HPS4: variants seen among roughly 807,000 people sequenced by gnomAD.
HPS4 encodes the protein HPS4 biogenesis of lysosomal organelles complex 3 subunit 2.
A neutral mutation model predicts 70.3 loss-of-function variants in HPS4; 44 were observed. The observed-to-expected ratio is 0.63, with a 90% CI of 0.49 to 0.80. HPS4 has a LOEUF of 0.80. Ranked by LOEUF, HPS4 falls within the 30% of genes least tolerant of loss-of-function variation. The probability of loss-of-function intolerance (pLI) is 0.00; values close to 1 mark genes in which losing one functional copy is unlikely to be tolerated. For synonymous variants in HPS4, 377 were observed against 355.9 expected (o/e 1.06, Z -0.67); for missense variants, 873 against 884.4 (o/e 0.99, Z 0.16).
chr22:26,482,841 A>G (rs1311491561), intron 1 of HPS4: 2 of 152,236 alleles, frequency 1.3e-5, no homozygotes, highest in Non-Finnish European at 2.9e-5. Context: ...CAGATTTTAC[A>G]TCTGCCTCCC....
rs1317390466 is a variant in HPS4, at chr22:26,464,411, T to C, written c.1219A>G (p.Ser407Gly). 1 of 1,614,138 alleles carries C rather than the reference T, an allele frequency of 6.2e-7. No individual in the cohort carries two copies. The highest frequency in any genetic ancestry group is 1.7e-5 in the Admixed American group (1 of 60,020). ...GTGGGTTCCAGGCTGCTGGAGGCGCTGAGAGATGCCTTGCAGTAAGGAGCC... is the reference window on the plus strand; with the variant it reads ...GTGGGTTCCAGGCTGCTGGAGGCGCCGAGAGATGCCTTGCAGTAAGGAGCC... The part of the protein sequence containing the change: ...GRAPYCKASL[S>G]ASSSLEPTPP... The change falls in exon 11 of 14, where the codon AGC becomes GGC. Residue 407 changes from serine to glycine, a missense_variant. Ser to Gly is a moderately conservative substitution (Grantham distance 56, BLOSUM62 0). Transcript: ENST00000398145.
At chr22:26,454,201 C>T (rs896877368) in intron 13 of HPS4, among the ~76,000 whole-genome samples, 2 of 152,220 alleles carry the variant, frequency 1.3e-5, no homozygotes, top group Admixed American at 6.5e-5. Context: ...AAAATCCCAC[C>T]CTATTCCAAG....
intron 5 of HPS4, 100 bp downstream of exon 5, chr22:26,472,732 T>C: frequency 6.4e-6 from 6 of 935,256 alleles, no homozygotes; most frequent in Non-Finnish European, 8.9e-6. Flanking sequence ...ACAATGTGTT[T>C]ATATGAAGTA....
chr22:26,463,931 C>T lies in HPS4; in HGVS notation c.1699G>A (p.Ala567Thr). The T allele has an allele frequency of 1.2e-6, 2 of 1,613,578 alleles. No homozygotes were observed. Among genetic ancestry groups the T allele is most frequent in the Non-Finnish European group, 1.7e-6 (2 of 1,180,016 alleles). Residue 567 changes from alanine (A) to threonine (T), a missense_variant, in exon 11 of 14, where the codon GCC (alanine) becomes ACC (threonine). Transcript: ENST00000398145. ...AGGACACTCACCACTTCCTCTATGG[C>T]TGCGCTGTCTCCCAGCAGCGGCTCC... ...AEEPLLGDSA[A>T]IEEVYHSSLA...
chr22:26,478,514 T>A (rs2090875427), intron 3 of HPS4, among the ~76,000 whole-genome samples: 2 of 138,102 alleles, frequency 1.4e-5, no homozygotes, highest in Admixed American at 8.2e-5. Flanking sequence ...GAGCATGCAG[T>A]GAGCAGAGAT....
chr22:26,461,145 T>A (rs2087175312), intron 11 of HPS4, among the ~76,000 whole-genome samples: 1 of 152,238 alleles, frequency 6.6e-6, no homozygotes, highest in Non-Finnish European at 1.5e-5. Context: ...TGTCAGTGTG[T>A]GACACAGCGT....
intron 4 of HPS4, chr22:26,476,737 C>A: frequency 2.1e-6 from 1 of 467,484 alleles, no homozygotes; most frequent in Non-Finnish European, 3.9e-6. Context: ...ACAGAATTTC[C>A]ACAAGTTGGC....
downstream of HPS4, chr22:26,443,383 G>C (rs2084871886): frequency 1.1e-5 from 6 of 569,868 alleles, no homozygotes; most frequent in South Asian, 1.3e-4. Context: ...ATTGTAAATG[G>C]AAACTTTTCG....
rs2089977889 is a variant in HPS4 at position 26,472,535 on chromosome 22, A to G, written c.385-117T>C. ...CACAGGAAACTGACCGGAAGGGAGG[A>G]CCTGTTTTAAACCTATCCCATCACA... On this transcript the variant is annotated intron_variant, in intron 5 of 13. Transcript: ENST00000398145. The G allele has an allele frequency of 6.1e-6, 5 of 813,830 alleles. No homozygotes were observed. The South Asian group carries it at 6.8e-5, about 11-fold the overall frequency. 50.4% of individuals were successfully genotyped at this position (813,830 alleles called of 1,614,324 possible).
At chr22:26,480,564 G>A (rs866772410) in intron 2 of HPS4, among the ~76,000 whole-genome samples, 1 of 152,094 alleles carries the variant, frequency 6.6e-6, no homozygotes, top group Non-Finnish European at 1.5e-5. Context: ...TCTCTTCCCT[G>A]GATCTATGCC....
intron 13 of HPS4, among the ~76,000 whole-genome samples, chr22:26,455,548 C>T (rs1222852375): frequency 7.9e-6 from 1 of 125,916 alleles, no homozygotes; most frequent in Non-Finnish European, 1.6e-5. Flanking sequence ...TACATGGACA[C>T]AGGAAGGGGA....
Position 26,478,006 on chromosome 22 carries a change from G to A in HPS4, c.133-870C>T, listed in dbSNP as rs572231949. Among the ~76,000 whole-genome samples, 3 of 152,214 alleles carry A rather than the reference G, an allele frequency of 2.0e-5. No individual in the cohort carries two copies. The East Asian group carries it at 5.8e-4, about 29-fold the overall frequency. On this transcript the variant is annotated intron_variant, in intron 3 of 13. Coordinates refer to ENST00000398145, the MANE Select transcript of HPS4 (RefSeq NM_022081.6). ...TTAGGAAAAAGAAAAAGAAATGGAA[G>A]GATGGAAGTATGGGTGCATGGAAGG...
intron 12 of HPS4, 118 bp downstream of exon 12, chr22:26,458,327 G>C (rs1021484684): frequency 7.7e-7 from 1 of 1,291,666 alleles, no homozygotes; most frequent in Admixed American, 1.7e-5. Flanking sequence ...AGCCCTGAAC[G>C]CAGGTCAGAC....
At chr22:26,443,261 CTGTGG>C, downstream of HPS4, 2 of 1,469,422 alleles carry the variant, frequency 1.4e-6, no homozygotes, top group South Asian at 2.3e-5. Flanking sequence ...CCTGGGCAGA[CTGTGG>C]TCCGGTCCAG....
intron 3 of HPS4, chr22:26,444,786 A>G (rs978730902): frequency 6.6e-6 from 1 of 152,182 alleles, no homozygotes; most frequent in African/African-American, 2.4e-5. Flanking sequence ...GTCTACACAG[A>G]TATTTGTCAG....
At chr22:26,466,336 T>C in intron 8 of HPS4, 74 bp from the exon 9 acceptor site, 1 of 1,537,276 alleles carries the variant, frequency 6.5e-7, no homozygotes, top group Non-Finnish European at 9.0e-7. Context: ...AGGAATTTGC[T>C]GTGCCATCTG....
Position 26,463,835 on chromosome 22 carries a change from G to A in HPS4, c.1713+82C>T, listed in dbSNP as rs2087838734. 7.7e-6 allele frequency: 11 copies of A among 1,421,802 alleles called. 1 individual carries two copies. The South Asian group carries it at 1.3e-4, about 17-fold the overall frequency. 88.1% of individuals were successfully genotyped at this position (1,421,802 alleles called of 1,614,324 possible). A position where few individuals can be genotyped will look rare whatever the true frequency, so the allele number is the denominator to read the frequency against. On this transcript the variant is annotated intron_variant, in intron 11 of 13. Transcript: ENST00000398145. ...GGGCTGAGCCTTTATCTCTTCCCTGGGTGTTGGCACAGTGCTGTGAGGGAA... is the reference window on the plus strand; with the variant it reads ...GGGCTGAGCCTTTATCTCTTCCCTGAGTGTTGGCACAGTGCTGTGAGGGAA...
intron 13 of HPS4, among the ~76,000 whole-genome samples, 197 bp downstream of exon 13, chr22:26,457,662 G>A (rs1201927089): frequency 6.6e-6 from 1 of 152,242 alleles, no homozygotes; most frequent in East Asian, 1.9e-4. Flanking sequence ...AGTAGGAAGG[G>A]AACCAGAAAG....
chr22:26,462,783 G>A, intron 11 of HPS4, among the ~76,000 whole-genome samples: 1 of 151,784 alleles, frequency 6.6e-6, no homozygotes, highest in East Asian at 1.9e-4. Flanking sequence ...ACTGCTATAA[G>A]AAGGAGATGG....
Sources: gnomAD v4.1 joint callset for allele counts (sites outside exome capture counted in the v4.1 genomes callset) on GRCh38, gnomAD v4.1.1 for gene constraint, MANE v1.5 for transcripts, NCBI Gene and HGNC (gene_info 2026-07-23, HGNC 2026-07-21) for gene names.